FAM184A: variants seen among roughly 807,000 people sequenced by gnomAD.
FAM184A encodes the protein family with sequence similarity 184 member A.
In FAM184A, 99 loss-of-function variants were observed where a neutral mutation model predicts 143.8. The observed-to-expected ratio is 0.69, with a 90% CI of 0.58 to 0.81. The LOEUF is 0.81. Ranked by LOEUF, FAM184A falls within the 40% of genes least tolerant of loss-of-function variation. The probability of loss-of-function intolerance (pLI) is 0.00; values close to 1 mark genes in which losing one functional copy is unlikely to be tolerated. For synonymous variants in FAM184A, 427 were observed against 446.4 expected, an observed-to-expected ratio of 0.96 and a Z score of 0.55; for missense variants, 1,217 against 1,310.5, an observed-to-expected ratio of 0.93 and a Z score of 1.10.
chr6:119,016,746 C>A lies in FAM184A; in HGVS notation c.1530+1G>T. Reference sequence around the variant, plus strand: ...CAATGATAAATTAAATTTTTACTCACCATTTGCAGTTTTTTCTTATCCCTA... The same window carrying A: ...CAATGATAAATTAAATTTTTACTCAACATTTGCAGTTTTTTCTTATCCCTA... On this transcript the variant is annotated splice_donor_variant, in intron 5 of 17. Coordinates refer to ENST00000338891, the MANE Select transcript of FAM184A (RefSeq NM_024581.6). LOFTEE classifies it high-confidence loss of function. 5 of 1,610,662 alleles carry A rather than the reference C, an allele frequency of 3.1e-6. No individual in the cohort carries two copies. Among genetic ancestry groups the A allele is most frequent in the Non-Finnish European group, 4.2e-6 (5 of 1,177,194 alleles).
chr6:118,967,127 T>A (rs963177748), intron 14 of FAM184A, among the ~76,000 whole-genome samples, 175 bp from the exon 15 acceptor site: 5 of 152,186 alleles, frequency 3.3e-5, no homozygotes, highest in African/African-American at 1.2e-4. Flanking sequence ...GTAGTTGCAT[T>A]AAAGGAGTTA....
intron 1 of FAM184A, among the ~76,000 whole-genome samples, chr6:119,083,912 G>A (rs895383301): frequency 1.3e-5 from 2 of 152,008 alleles, no homozygotes; most frequent in African/African-American, 4.8e-5. Flanking sequence ...CCAATTTTTT[G>A]TATTAGTCTG....
At chr6:118,982,068 G>A (rs771698315) in intron 9 of FAM184A, among the ~76,000 whole-genome samples, 15 of 152,058 alleles carry the variant, frequency 9.9e-5, no homozygotes, top group Non-Finnish European at 7.4e-5. Flanking sequence ...TGTGATATGC[G>A]CATAAGAATC....
At chr6:119,003,113 G>T in intron 8 of FAM184A, 64 bp from the exon 9 acceptor site, 1 of 1,409,790 alleles carries the variant, frequency 7.1e-7, no homozygotes, top group Non-Finnish European at 9.5e-7. Context: ...CTGTAATAGA[G>T]TCTACAGGTT....
At chr6:118,988,587 T>C (rs1168001324) in intron 9 of FAM184A, among the ~76,000 whole-genome samples, 1 of 152,204 alleles carries the variant, frequency 6.6e-6, no homozygotes, top group African/African-American at 2.4e-5. Context: ...ACCATATAAT[T>C]TGGAAGCCAG....
chr6:118,988,724 A>C (rs913012148), intron 9 of FAM184A, among the ~76,000 whole-genome samples: 4 of 152,158 alleles, frequency 2.6e-5, no homozygotes, highest in Admixed American at 2.6e-4. Context: ...ATTTGGCAAA[A>C]TTATTTACAA....
chr6:118,980,066 T>A (rs559801529), intron 10 of FAM184A, 72 bp downstream of exon 10: 190 of 1,349,278 alleles, frequency 1.4e-4, no homozygotes, highest in East Asian at 1.1e-3. Flanking sequence ...GAAAAAAAAA[T>A]TTTTTTAATT....
At chr6:119,111,075 C>G (rs1788918656) in intron 1 of FAM184A, among the ~76,000 whole-genome samples, 5 of 152,132 alleles carry the variant, frequency 3.3e-5, no homozygotes, top group Admixed American at 3.3e-4. Context: ...TTGTACATCC[C>G]CATTCATAGC....
intron 1 of FAM184A, among the ~76,000 whole-genome samples, chr6:119,113,635 A>AAAAG (rs1554197532): frequency 2.0e-5 from 3 of 149,646 alleles, no homozygotes; most frequent in Non-Finnish European, 3.0e-5. Context: ...GAGAGAGAGA[A>AAAAG]AGAGAGAGAG....
chr6:118,975,213 T>A lies in FAM184A; in HGVS notation c.2584-5A>T, dbSNP rs1783810229. On this transcript the variant is annotated splice_polypyrimidine_tract_variant and splice_region_variant and intron_variant, in intron 12 of 17. Transcript: ENST00000338891. ...TCTACATATGTGCTCCTTACTCTGTTAAAAAAAAAAAGTCATTTTTAGAAG... is the reference window on the plus strand; with the variant it reads ...TCTACATATGTGCTCCTTACTCTGTAAAAAAAAAAAAGTCATTTTTAGAAG... 10 of 1,283,912 alleles carry A rather than the reference T, an allele frequency of 7.8e-6. No individual in the cohort carries two copies. The highest frequency in any genetic ancestry group is 5.3e-5 in the Admixed American group (2 of 37,950). The allele number at this position is 1,283,912 out of a possible 1,614,324, so 79.5% of individuals were successfully genotyped here. A position where few individuals can be genotyped will look rare whatever the true frequency, so the allele number is the denominator to read the frequency against.
intron 17 of FAM184A, 144 bp from the exon 18 acceptor site, chr6:118,960,328 T>G: frequency 3.2e-6 from 2 of 622,118 alleles, no homozygotes; most frequent in South Asian, 3.9e-5. Context: ...CTACCCCCTC[T>G]ATACTAGAAT....
At chr6:119,034,039 T>G (rs1349537918) in intron 1 of FAM184A, among the ~76,000 whole-genome samples, 589 of 30,172 alleles carry the variant, frequency 0.02, 6 homozygotes, top group East Asian at 0.1. Flanking sequence ...TATATATATA[T>G]ATAGAGAGAG....
At chr6:119,031,819 G>A (rs910137598) in intron 1 of FAM184A, among the ~76,000 whole-genome samples, 7 of 152,186 alleles carry the variant, frequency 4.6e-5, no homozygotes, top group African/African-American at 1.7e-4. Context: ...TATTCATACA[G>A]TGTAATACCA....
chr6:119,120,023 G>A (rs1049218812), intron 1 of FAM184A, among the ~76,000 whole-genome samples: 4 of 152,070 alleles, frequency 2.6e-5, no homozygotes, highest in African/African-American at 4.8e-5. Flanking sequence ...CATAATTCAC[G>A]TACCCTAAAA....
At chr6:119,037,915 C>T (rs1786172487) in intron 1 of FAM184A, among the ~76,000 whole-genome samples, 1 of 152,118 alleles carries the variant, frequency 6.6e-6, no homozygotes, top group Non-Finnish European at 1.5e-5. Flanking sequence ...ATCTACGAGG[C>T]ATCTTTACCT....
chr6:119,004,096 T>C (rs993235120), intron 7 of FAM184A, among the ~76,000 whole-genome samples: 1 of 152,362 alleles, frequency 6.6e-6, no homozygotes. Context: ...GTTTTTATTA[T>C]GTAACTGCAA....
intron 17 of FAM184A, chr6:118,960,708 A>T: frequency 1.2e-6 from 1 of 836,566 alleles, no homozygotes; most frequent in Non-Finnish European, 1.8e-6. Flanking sequence ...TATAGTTTAT[A>T]CTTTTCTTAA....
chr6:119,147,503 T>C (rs896743919), intron 1 of FAM184A, among the ~76,000 whole-genome samples: 4 of 152,166 alleles, frequency 2.6e-5, no homozygotes, highest in Non-Finnish European at 4.4e-5. Context: ...GACTCAGAGA[T>C]GATAGACTGA....
intron 13 of FAM184A, among the ~76,000 whole-genome samples, 193 bp downstream of exon 13, chr6:118,974,831 T>C (rs957036488): frequency 6.6e-6 from 1 of 152,218 alleles, no homozygotes; most frequent in African/African-American, 2.4e-5. Flanking sequence ...GAATACATGT[T>C]ACATCATTCA....
Sources: gnomAD v4.1 joint callset for allele counts (sites outside exome capture counted in the v4.1 genomes callset) on GRCh38, gnomAD v4.1.1 for gene constraint, MANE v1.5 for transcripts, NCBI Gene and HGNC (gene_info 2026-07-23, HGNC 2026-07-21) for gene names.